The following EXOC6B variants were observed in gnomAD, a reference collection of about 807,000 sequenced individuals.
The protein encoded by EXOC6B is SEC15 homolog B.
EXOC6B carries 54 observed loss-of-function variants against 113.5 expected under a neutral mutation model. That is an observed-to-expected ratio of 0.48 (90% CI 0.38 to 0.60). The LOEUF (loss-of-function observed/expected upper bound fraction) is 0.60. Among genes scored for constraint, EXOC6B ranks in the 20% least tolerant of loss-of-function variants. EXOC6B has a pLI of 0.00. For synonymous variants in EXOC6B, 357 were observed against 339.0 expected (o/e 1.05, Z -0.58); for missense variants, 797 against 977.5 (o/e 0.82, Z 2.46).
chr2:72,224,473 A>G lies in EXOC6B; in HGVS notation c.2197-40286T>C, dbSNP rs181990764. Among the ~76,000 whole-genome samples the G allele has an allele frequency of 3.8e-3, 581 of 152,302 alleles. 2 individuals are homozygous for G. Among genetic ancestry groups the G allele is most frequent in the Non-Finnish European group, 6.4e-3 (435 of 68,022 alleles). ...AGGAAAAAAATTTAAAAATAAAATC[A>G]ACAGTACAAAATTGGAAACACACTA... On this transcript the variant is annotated intron_variant, in intron 20 of 21. Transcript: ENST00000272427.
At chr2:72,755,713 T>C (rs1682370406) in intron 1 of EXOC6B, among the ~76,000 whole-genome samples, 2 of 152,138 alleles carry the variant, frequency 1.3e-5, no homozygotes, top group Non-Finnish European at 2.9e-5. Context: ...ATTTGTTATT[T>C]CCCTAGCTCT....
intron 6 of EXOC6B, among the ~76,000 whole-genome samples, chr2:72,583,541 G>A (rs551485388): frequency 5.3e-5 from 8 of 151,980 alleles, no homozygotes; most frequent in Non-Finnish European, 1.2e-4. Flanking sequence ...GGAGAGATTA[G>A]GAAAATATTT....
intron 18 of EXOC6B, among the ~76,000 whole-genome samples, chr2:72,460,653 A>G (rs926956464): frequency 6.6e-6 from 1 of 152,222 alleles, no homozygotes; most frequent in Non-Finnish European, 1.5e-5. Flanking sequence ...CAAAATCACA[A>G]TGAGATACCA....
At chr2:72,513,293 A>G in intron 10 of EXOC6B, 41 bp from the exon 11 acceptor site, 3 of 1,609,438 alleles carry the variant, frequency 1.9e-6, no homozygotes, top group Non-Finnish European at 2.5e-6. Context: ...GTCAGAAATT[A>G]CAGTTTTATT....
At chr2:72,700,775 AC>A (rs1392552410) in intron 6 of EXOC6B, among the ~76,000 whole-genome samples, 1 of 152,110 alleles carries the variant, frequency 6.6e-6, no homozygotes, top group Non-Finnish European at 1.5e-5. Flanking sequence ...ATATGGCAAA[AC>A]CCCATCTCTA....
At chr2:72,671,844 T>A (rs566622283) in intron 6 of EXOC6B, among the ~76,000 whole-genome samples, 121 of 80,514 alleles carry the variant, frequency 1.5e-3, no homozygotes, top group South Asian at 2.2e-3. Context: ...AAGGAAAGAA[T>A]GGAGGGAGGA....
At chr2:72,233,810 C>T (rs1377371197) in intron 20 of EXOC6B, among the ~76,000 whole-genome samples, 1 of 152,188 alleles carries the variant, frequency 6.6e-6, no homozygotes, top group Non-Finnish European at 1.5e-5. Flanking sequence ...CCTGCTGTCC[C>T]AAGAAGCACC....
intron 20 of EXOC6B, among the ~76,000 whole-genome samples, chr2:72,313,205 G>C (rs1389978514): frequency 6.6e-6 from 1 of 150,808 alleles, no homozygotes; most frequent in Admixed American, 6.6e-5. Context: ...ACACAGATTG[G>C]GGCCTAACGA....
At chr2:72,758,494 CA>C (rs1308987206) in intron 1 of EXOC6B, among the ~76,000 whole-genome samples, 1 of 151,906 alleles carries the variant, frequency 6.6e-6, no homozygotes, top group Non-Finnish European at 1.5e-5. Flanking sequence ...ACATTTTAGA[CA>C]AAAATAAATC....
intron 6 of EXOC6B, among the ~76,000 whole-genome samples, chr2:72,695,177 G>C (rs1391093561): frequency 1.3e-5 from 2 of 152,192 alleles, no homozygotes; most frequent in Admixed American, 6.5e-5. Context: ...CATGGAAGAA[G>C]AATTCTCTTT....
intron 18 of EXOC6B, among the ~76,000 whole-genome samples, chr2:72,401,584 T>TAC (rs1558630926): frequency 9.1e-4 from 16 of 17,650 alleles, no homozygotes; most frequent in South Asian, 6.4e-3. Context: ...TATATATACA[T>TAC]ATATATATAT....
chr2:72,408,395 C>G (rs1304623881), intron 18 of EXOC6B, among the ~76,000 whole-genome samples: 1 of 152,086 alleles, frequency 6.6e-6, no homozygotes, highest in African/African-American at 2.4e-5. Context: ...CAAAAAAGAG[C>G]CCACATTGCC....
chr2:72,226,563 G>A (rs1193943415), intron 20 of EXOC6B, among the ~76,000 whole-genome samples: 1 of 152,186 alleles, frequency 6.6e-6, no homozygotes, highest in Non-Finnish European at 1.5e-5. Flanking sequence ...GGTGTTGCTG[G>A]AAAGTAAAGT....
At chr2:72,631,673 A>G (rs189374638) in intron 6 of EXOC6B, among the ~76,000 whole-genome samples, 138 of 151,740 alleles carry the variant, frequency 9.1e-4, no homozygotes, top group Non-Finnish European at 1.7e-3. Flanking sequence ...CCTAGCTAAT[A>G]TATGTATTTT....
chr2:72,615,216 A>T (rs1671310390), intron 6 of EXOC6B, among the ~76,000 whole-genome samples: 1 of 152,066 alleles, frequency 6.6e-6, no homozygotes, highest in African/African-American at 2.4e-5. Context: ...ATAAAACAAA[A>T]AGTGAAAGTA....
At chr2:72,268,169 G>A (rs1370239627) in intron 20 of EXOC6B, among the ~76,000 whole-genome samples, 1 of 152,092 alleles carries the variant, frequency 6.6e-6, no homozygotes, top group Non-Finnish European at 1.5e-5. Flanking sequence ...AGCGTGCAGT[G>A]GCATGATCTT....
At position 72,721,364 on chromosome 2, in the gene EXOC6B, T is replaced by TAA. The variant is rs11408155; in HGVS notation, c.465-3059_465-3058dup. Among the ~76,000 whole-genome samples, 157 of 28,432 alleles carry TAA rather than the reference T, an allele frequency of 5.5e-3. 1 individual carries two copies. Among genetic ancestry groups the TAA allele is most frequent in the Middle Eastern group, 0.033 (1 of 30 alleles). The allele number at this position is 28,432 out of a possible 152,430, so 18.7% of individuals were successfully genotyped here. A position where few individuals can be genotyped will look rare whatever the true frequency, so the allele number is the denominator to read the frequency against. On this transcript the variant is annotated intron_variant, in intron 5 of 21. Transcript: ENST00000272427. ...GGTTAATAAACTTGAGTTGTTTTTG[T>TAA]AAAAAAAAAAAAAAAAAAAAAAAAT... is the stretch of plus-strand genomic sequence containing the variant.
chr2:72,463,247 G>A (rs1697818359), intron 18 of EXOC6B: 1 of 151,936 alleles, frequency 6.6e-6, no homozygotes, highest in African/African-American at 2.4e-5. Flanking sequence ...TTTTTTGTGT[G>A]TGCTCTTTTT....
intron 20 of EXOC6B, among the ~76,000 whole-genome samples, chr2:72,273,031 C>T (rs1176673573): frequency 6.6e-6 from 1 of 152,122 alleles, no homozygotes; most frequent in East Asian, 1.9e-4. Context: ...CATCTTTTCA[C>T]CTGACCTACT....
Sources: gnomAD v4.1 joint callset for allele counts (sites outside exome capture counted in the v4.1 genomes callset) on GRCh38, gnomAD v4.1.1 for gene constraint, MANE v1.5 for transcripts, NCBI Gene and HGNC (gene_info 2026-07-23, HGNC 2026-07-21) for gene names.